The following INTS3 variants were observed in gnomAD, a reference collection of about 807,000 sequenced individuals.
The protein encoded by INTS3 is SOSS complex subunit A.
In INTS3, 34 loss-of-function variants were observed where a neutral mutation model predicts 146.3. The observed-to-expected ratio is 0.23, with a 90% CI of 0.18 to 0.31. INTS3 has a LOEUF of 0.31. Ranked by LOEUF, INTS3 falls within the 10% of genes least tolerant of loss-of-function variation. The pLI, the probability that INTS3 is intolerant of heterozygous loss-of-function variation, is 1.00. For synonymous variants in INTS3, 475 were observed against 494.9 expected, an observed-to-expected ratio of 0.96 and a Z score of 0.53; for missense variants, 757 against 1,304.2, an observed-to-expected ratio of 0.58 and a Z score of 6.46.
chr1:153,763,315 G>A lies in INTS3; in HGVS notation c.1719G>A (p.Gln573=). 1 of 1,614,194 alleles carries A rather than the reference G, an allele frequency of 6.2e-7. No individual in the cohort carries two copies. Among genetic ancestry groups the A allele is most frequent in the Non-Finnish European group, 8.5e-7 (1 of 1,180,016 alleles). ...EPVDITPYLD[Q]LDESLRDKVL... Reference sequence around the variant, plus strand: ...TTGATATCACCCCTTACCTTGACCAGTTGGATGAGTCCCTGAGGGACAAAG... The same window carrying A: ...TTGATATCACCCCTTACCTTGACCAATTGGATGAGTCCCTGAGGGACAAAG... The change falls in exon 16 of 30, where the codon CAG becomes CAA. Residue 573 remains glutamine, a synonymous_variant. Transcript: ENST00000318967.
intron 13 of INTS3, chr1:153,761,338 C>T (rs1672374565): frequency 2.0e-6 from 1 of 499,862 alleles, no homozygotes; most frequent in Non-Finnish European, 3.5e-6. Context: ...TGGCAAAACC[C>T]GTGTCTACTA....
In INTS3 at chr1:153,772,854, A is replaced by T; in HGVS notation, c.2895-71A>T. 2.5e-6 allele frequency: 4 copies of T among 1,602,032 alleles called. No homozygotes were observed. The highest frequency in any genetic ancestry group is 3.4e-6 in the Non-Finnish European group (4 of 1,171,056). ...AAAAAGAAGGCCTAGGCCTGGGGGCAGAGAAGAGGATGGGAGGTGCCGTAG... is the reference window on the plus strand; with the variant it reads ...AAAAAGAAGGCCTAGGCCTGGGGGCTGAGAAGAGGATGGGAGGTGCCGTAG... On this transcript the variant is annotated intron_variant, in intron 28 of 29. Coordinates refer to ENST00000318967, the MANE Select transcript of INTS3 (RefSeq NM_023015.5). This position sits in a 1 kb window ranked among gnomAD's most constrained non-coding sequence, Gnocchi z 4.6.
intron 21 of INTS3, 82 bp downstream of exon 21, chr1:153,767,909 A>G (rs1450614778): frequency 1.4e-6 from 2 of 1,385,428 alleles, no homozygotes; most frequent in African/African-American, 1.5e-5. Flanking sequence ...ACAACCCTGA[A>G]CCCTCTTTTG....
At chr1:153,760,444 T>A in intron 12 of INTS3, 54 bp downstream of exon 12, 1 of 1,431,050 alleles carries the variant, frequency 7.0e-7, no homozygotes, top group Non-Finnish European at 9.9e-7. Flanking sequence ...GAATTCAGTG[T>A]ATCTCCCCTA....
Position 153,773,585 on chromosome 1 carries a change from C to T in INTS3, c.*315C>T. 1 of 459,262 alleles carries T rather than the reference C, an allele frequency of 2.2e-6. No homozygotes were observed. The highest frequency in any genetic ancestry group is 4.0e-6 in the Non-Finnish European group (1 of 247,220). The allele number at this position is 459,262 out of a possible 1,614,324, so 28.4% of individuals were successfully genotyped here. On this transcript the variant is annotated 3_prime_UTR_variant, in exon 30 of 30. Coordinates refer to ENST00000318967, the MANE Select transcript of INTS3 (RefSeq NM_023015.5). ...TCAGCCCCCTGGCCCCTTCCGCAAT[C>T]TCCTCCCCCAGTCTCCCAAAGAGCC...
intron 19 of INTS3, 89 bp downstream of exon 19, chr1:153,764,823 C>A: frequency 6.5e-7 from 1 of 1,527,882 alleles, no homozygotes; most frequent in Non-Finnish European, 9.1e-7. Context: ...TAATGGGACT[C>A]GCTTTCCAGG....
chr1:153,769,364 C>T (rs1167127613), intron 22 of INTS3, among the ~76,000 whole-genome samples: 6 of 152,150 alleles, frequency 3.9e-5, no homozygotes, highest in Non-Finnish European at 5.9e-5. Flanking sequence ...CCTTCTGAGG[C>T]CTGCACTGGG....
At position 153,757,680 on chromosome 1, in the gene INTS3, G is replaced by C. The variant is rs776323925; in HGVS notation, c.1066G>C (p.Val356Leu). 1 of 1,614,162 alleles carries C rather than the reference G, an allele frequency of 6.2e-7. No individual in the cohort carries two copies. Among genetic ancestry groups the C allele is most frequent in the East Asian group, 2.2e-5 (1 of 44,892 alleles). The change falls in exon 10 of 30, where the codon GTA becomes CTA. Residue 356 changes from valine (V) to leucine (L), a missense_variant. Physicochemically the swap from Val to Leu is conservative, Grantham distance 32. Around this residue, in one of 8 missense-constraint regions of INTS3, gnomAD observed 35 missense variants for 122.2 expected, o/e 0.29. Transcript: ENST00000318967. This position sits in a 1 kb window ranked among gnomAD's most constrained non-coding sequence, Gnocchi z 4.0. ...RCDLIRYICG[V>L]VHPSNEVLSS... Reference sequence around the variant, plus strand: ...TGACCTCATTCGCTACATCTGTGGGGTAGTCCACCCTTCTAATGAAGTACT... The same window carrying C: ...TGACCTCATTCGCTACATCTGTGGGCTAGTCCACCCTTCTAATGAAGTACT...
chr1:153,754,785 G>T (rs1182397596), intron 9 of INTS3, 46 bp downstream of exon 9: 1 of 1,247,888 alleles, frequency 8.0e-7, no homozygotes. Flanking sequence ...ACGCTGGCTG[G>T]GCTTCTTGCT....
At chr1:153,739,775 C>G (rs1488856974) in intron 1 of INTS3, among the ~76,000 whole-genome samples, 1 of 151,506 alleles carries the variant, frequency 6.6e-6, no homozygotes, top group Non-Finnish European at 1.5e-5. Flanking sequence ...GGCCTAAGTC[C>G]CTTTTATTTT....
At chr1:153,741,531 ATCC>A (rs1169217661) in intron 3 of INTS3, among the ~76,000 whole-genome samples, 163 bp downstream of exon 3, 1 of 152,250 alleles carries the variant, frequency 6.6e-6, no homozygotes, top group Non-Finnish European at 1.5e-5. Context: ...TGAATTGGTC[ATCC>A]TCTGACTAAA....
chr1:153,742,474 ATC>A (rs896675982), intron 3 of INTS3, among the ~76,000 whole-genome samples: 18 of 65,630 alleles, frequency 2.7e-4, no homozygotes, highest in East Asian at 1.8e-3. Flanking sequence ...GGGTTTTTTA[ATC>A]TCTGTGTGTG....
At position 153,772,174 on chromosome 1, in the gene INTS3, C is replaced by T. The variant is rs1053795534; in HGVS notation, c.2721-166C>T. 6.6e-6 allele frequency among the ~76,000 whole-genome samples: 1 copy of T among 152,166 alleles called. No individual in the cohort carries two copies. Among genetic ancestry groups the T allele is most frequent in the South Asian group, 2.1e-4 (1 of 4,832 alleles). On this transcript the variant is annotated intron_variant, in intron 26 of 29. Transcript: ENST00000318967. This position sits in a 1 kb window ranked among gnomAD's most constrained non-coding sequence, Gnocchi z 4.6. Reference sequence around the variant, plus strand: ...TCCAGTGCCCCTGTGGCCAGGATCCCCTGTTCTAGGCACACCTTTCTCACC... The same window carrying T: ...TCCAGTGCCCCTGTGGCCAGGATCCTCTGTTCTAGGCACACCTTTCTCACC...
chr1:153,730,890 AGGGTCTCTAAG>A (rs1238652845), intron 1 of INTS3, among the ~76,000 whole-genome samples: 1 of 152,086 alleles, frequency 6.6e-6, no homozygotes, highest in Non-Finnish European at 1.5e-5. Context: ...ACTAGACCAG[AGGGTCTCTAAG>A]GGCAAGACTT....
At chr1:153,755,716 A>G (rs191829814) in intron 9 of INTS3, among the ~76,000 whole-genome samples, 3 of 152,198 alleles carry the variant, frequency 2.0e-5, no homozygotes, top group African/African-American at 4.8e-5. Context: ...TGCCATTTAA[A>G]TGTAAGTTAG....
In INTS3 at chr1:153,772,483, C is replaced by G; in HGVS notation, c.2821+43C>G. ...GGCGTCCAGTGTAGACGGTGCTGCC[C>G]TGGCCCAGACTATGCCTGGAGCCAG... On this transcript the variant is annotated intron_variant, in intron 27 of 29. Transcript: ENST00000318967. This position sits in a 1 kb window ranked among gnomAD's most constrained non-coding sequence, Gnocchi z 4.6. 6.2e-7 allele frequency: 1 copy of G among 1,613,962 alleles called. No individual in the cohort carries two copies. The highest frequency in any genetic ancestry group is 8.5e-7 in the Non-Finnish European group (1 of 1,179,940).
intron 2 of INTS3, 29 bp from the exon 3 acceptor site, chr1:153,741,256 C>T: frequency 1.3e-6 from 2 of 1,546,944 alleles, no homozygotes; most frequent in African/African-American, 1.4e-5. Context: ...TGAGTGACAA[C>T]TAGTTTGTTT....
chr1:153,763,799 T>C, intron 16 of INTS3, 33 bp from the exon 17 acceptor site: 1 of 1,598,332 alleles, frequency 6.3e-7, no homozygotes, highest in Non-Finnish European at 8.6e-7. Context: ...ATCATTTATG[T>C]CCCTGGGATT....
At chr1:153,761,053 G>A in intron 13 of INTS3, 135 bp downstream of exon 13, 5 of 1,471,794 alleles carry the variant, frequency 3.4e-6, no homozygotes, top group Non-Finnish European at 4.5e-6. Flanking sequence ...TCAGACTGCT[G>A]GGCATATGTC....
Sources: gnomAD v4.1 joint callset for allele counts (sites outside exome capture counted in the v4.1 genomes callset) on GRCh38, gnomAD v4.1.1 for gene constraint, gnomAD v4.1.1 regional missense constraint, Gnocchi (gnomAD v3.1) non-coding constraint, MANE v1.5 for transcripts, NCBI Gene and HGNC (gene_info 2026-07-23, HGNC 2026-07-21) for gene names.